Variants in GARNL3 observed in about 807,000 individuals in gnomAD.
GARNL3 encodes GTPase activating Rap/RanGAP domain like 3.
A neutral mutation model predicts 125.0 loss-of-function variants in GARNL3; 63 were observed. The observed-to-expected ratio is 0.50, with a 90% CI of 0.41 to 0.62. The LOEUF (loss-of-function observed/expected upper bound fraction) is 0.62. GARNL3 is among the 20% of genes least tolerant of loss of function. The probability of loss-of-function intolerance (pLI) is 0.00; values close to 1 mark genes in which losing one functional copy is unlikely to be tolerated. For missense variants in GARNL3, 994 were observed against 1,244.0 expected (o/e 0.80, Z 3.02); for synonymous variants, 439 against 457.5 (o/e 0.96, Z 0.52).
At chr9:127,247,791 T>C (rs967586070) in intron 2 of GARNL3, among the ~76,000 whole-genome samples, 1 of 152,200 alleles carries the variant, frequency 6.6e-6, no homozygotes, top group Non-Finnish European at 1.5e-5. Context: ...GCAATTATAC[T>C]CTTTTAGTTA....
intron 2 of GARNL3, among the ~76,000 whole-genome samples, chr9:127,294,856 G>C (rs76689290): frequency 6.6e-6 from 1 of 152,190 alleles, no homozygotes; most frequent in Non-Finnish European, 1.5e-5. Flanking sequence ...CCTGCAGATG[G>C]CAGGGAGAGC....
Position 127,390,706 on chromosome 9 carries a change from C to G in GARNL3, c.2809C>G (p.Arg937Gly), listed in dbSNP as rs753455445. 1 of 1,613,860 alleles carries G rather than the reference C, an allele frequency of 6.2e-7. No individual in the cohort carries two copies. The change falls in exon 27 of 28, where the codon CGG (arginine) becomes GGG (glycine). Residue 937 changes from arginine (R) to glycine (G), a missense_variant. This residue lies in a region of GARNL3 where 728 missense variants were observed against 865.7 expected (regional missense o/e 0.84). Coordinates refer to ENST00000373387, the MANE Select transcript of GARNL3 (RefSeq NM_032293.5). ...AAAGGCCAAATCAAAACCCCGGAAG[C>G]GGTTAGAAGAAAGCCAAGGAGGCCC... ...APKAKSKPRK[R>G]LEESQGGPKP... is the part of the protein sequence containing the mutation.
intron 2 of GARNL3, chr9:127,300,218 A>G: frequency 3.2e-6 from 1 of 312,118 alleles, no homozygotes; most frequent in Non-Finnish European, 6.6e-6. Context: ...TCTGTTACTG[A>G]GGCACCACAC....
chr9:127,356,683 G>A (rs1051132625), intron 20 of GARNL3, among the ~76,000 whole-genome samples: 2 of 152,174 alleles, frequency 1.3e-5, no homozygotes, highest in African/African-American at 4.8e-5. Context: ...TTTACATGCA[G>A]CATATACATT....
upstream of GARNL3, chr9:127,264,732 T>C: frequency 2.4e-6 from 3 of 1,255,104 alleles, no homozygotes; most frequent in Non-Finnish European, 2.0e-6. Context: ...CTTCCAGGGA[T>C]GACTCTGGCG....
intron 22 of GARNL3, among the ~76,000 whole-genome samples, chr9:127,371,340 T>C (rs10987622): frequency 0.022 from 3,316 of 152,276 alleles, 125 homozygotes; most frequent in East Asian, 0.16. Context: ...GGACTCCCTT[T>C]CCCAAGCCAG....
At chr9:127,226,544 C>A (rs888883632) in intron 1 of GARNL3, among the ~76,000 whole-genome samples, 1 of 152,182 alleles carries the variant, frequency 6.6e-6, no homozygotes, top group Non-Finnish European at 1.5e-5. Flanking sequence ...GCTGGTGCTT[C>A]CTCCCTTGTG....
intron 1 of GARNL3, chr9:127,225,427 G>GGCCGGGCGGGGTGCC: frequency 1.1e-6 from 1 of 946,860 alleles, no homozygotes; most frequent in Non-Finnish European, 1.3e-6. Context: ...GGAGGGGTGC[G>GGCCGGGCGGGGTGCC]GCCGGGCGGG....
chr9:127,225,274 C>G (rs1204404197), intron 1 of GARNL3: 3 of 873,934 alleles, frequency 3.4e-6, no homozygotes, highest in Non-Finnish European at 4.1e-6. Context: ...CCCGAGCCCA[C>G]CCGAGTGCGC....
Position 127,383,425 on chromosome 9 carries a change from G to T in GARNL3, c.2162-13G>T. On this transcript the variant is annotated splice_polypyrimidine_tract_variant and intron_variant, in intron 22 of 27. Transcript: ENST00000373387. ...TCTCTAACAAAAATGAGTTGCTGTT[G>T]TTTTCATTGCAGACAGTTGCATCTA... is the stretch of plus-strand genomic sequence containing the variant. 6.4e-7 allele frequency: 1 copy of T among 1,561,780 alleles called. No homozygotes were observed. Among genetic ancestry groups the T allele is most frequent in the African/African-American group, 1.4e-5 (1 of 73,154 alleles).
At position 127,335,300 on chromosome 9, in the gene GARNL3, C is replaced by T. The variant is rs1190435031; in HGVS notation, c.840C>T (p.Thr280=). Reference sequence around the variant, plus strand: ...ATGAGATCATGTTTCATGTTTCCACCATGTTGCCATATTCCAAAGAGAACA... The same window carrying T: ...ATGAGATCATGTTTCATGTTTCCACTATGTTGCCATATTCCAAAGAGAACA... ...QGHEIMFHVS[T]MLPYSKENKQ... Residue 280 remains threonine (T), a synonymous_variant, in exon 10 of 28, where the codon ACC becomes ACT. Coordinates refer to ENST00000373387, the MANE Select transcript of GARNL3 (RefSeq NM_032293.5). 2.5e-6 allele frequency: 4 copies of T among 1,613,546 alleles called. No homozygotes were observed. In the East Asian group the frequency reaches 8.9e-5, roughly 36 times the overall value.
chr9:127,274,521 C>T (rs910270839), intron 1 of GARNL3, among the ~76,000 whole-genome samples: 2 of 152,124 alleles, frequency 1.3e-5, no homozygotes, highest in Admixed American at 6.6e-5. Context: ...TCCCTAGAGG[C>T]CACAGGAGTC....
intron 1 of GARNL3, among the ~76,000 whole-genome samples, chr9:127,285,806 C>G (rs974412297): frequency 7.9e-5 from 12 of 151,908 alleles, no homozygotes; most frequent in Non-Finnish European, 1.5e-5. Flanking sequence ...TTTCATTATT[C>G]CCTTACTTTC....
chr9:127,278,010 G>A (rs1051209899), intron 1 of GARNL3, among the ~76,000 whole-genome samples: 2 of 152,116 alleles, frequency 1.3e-5, no homozygotes, highest in African/African-American at 4.8e-5. Flanking sequence ...GCTAGAAGAT[G>A]AGTTTTGCCA....
intron 13 of GARNL3, among the ~76,000 whole-genome samples, chr9:127,340,927 A>G (rs1355641298): frequency 1.3e-5 from 2 of 152,104 alleles, no homozygotes; most frequent in African/African-American, 4.8e-5. Flanking sequence ...GTCACCAGAA[A>G]CATCCAAGTC....
At chr9:127,368,577 T>C (rs542934456) in intron 22 of GARNL3, among the ~76,000 whole-genome samples, 13 of 147,422 alleles carry the variant, frequency 8.8e-5, no homozygotes, top group Middle Eastern at 6.8e-3. Context: ...GTGATCCACC[T>C]GCCTCAGCCT....
chr9:127,239,287 GTCACCCTTTC>G (rs1237394661), intron 1 of GARNL3, among the ~76,000 whole-genome samples: 5 of 152,142 alleles, frequency 3.3e-5, no homozygotes, highest in African/African-American at 1.2e-4. Flanking sequence ...TCCTCAGAAG[GTCACCCTTTC>G]TCATTAGAAA....
At chr9:127,344,500 G>T in intron 15 of GARNL3, 161 bp downstream of exon 15, 1 of 623,028 alleles carries the variant, frequency 1.6e-6, no homozygotes, top group Non-Finnish European at 2.9e-6. Flanking sequence ...TTTGAGAACC[G>T]AGTAGGTGCA....
chr9:127,357,232 C>T lies in GARNL3; in HGVS notation c.1949C>T (p.Ser650Phe). The T allele has an allele frequency of 6.2e-7, 1 of 1,614,186 alleles. No homozygotes were observed. The highest frequency in any genetic ancestry group is 1.6e-4 in the Middle Eastern group (1 of 6,062). The change falls in exon 21 of 28, where the codon TCT becomes TTT. Residue 650 changes from serine to phenylalanine, a missense_variant. Physicochemically the swap from Ser to Phe is radical, Grantham distance 155 (BLOSUM62 -2). Around this residue, in one of 5 missense-constraint regions of GARNL3, gnomAD observed 728 missense variants for 865.7 expected, o/e 0.84. Coordinates refer to ENST00000373387, the MANE Select transcript of GARNL3 (RefSeq NM_032293.5). ...CCAACCACACAGGAGATCTGTCTGT[C>T]TGACTCTCCCATGGTGATGACCTTA... is the stretch of plus-strand genomic sequence containing the variant. ...EFQYIREICL[S>F]DSPMVMTLVD...
Sources: gnomAD v4.1 joint callset for allele counts (sites outside exome capture counted in the v4.1 genomes callset) on GRCh38, gnomAD v4.1.1 for gene constraint, gnomAD v4.1.1 regional missense constraint, MANE v1.5 for transcripts, NCBI Gene and HGNC (gene_info 2026-07-23, HGNC 2026-07-21) for gene names.